GMEB1: variants seen among roughly 807,000 people sequenced by gnomAD.
The protein encoded by GMEB1 is glucocorticoid modulatory element binding protein 1.
Under a neutral mutation model 52.4 loss-of-function variants are expected in GMEB1, and 6 were observed. The observed-to-expected ratio is 0.11, with a 90% confidence interval of 0.06 to 0.23. The LOEUF is 0.23. Among genes scored for constraint, GMEB1 ranks in the 10% least tolerant of loss-of-function variants. The probability of loss-of-function intolerance (pLI) is 1.00; values close to 1 mark genes in which losing one functional copy is unlikely to be tolerated. For missense variants in GMEB1, 486 were observed against 685.6 expected, an observed-to-expected ratio of 0.71 and a Z score of 3.25; for synonymous variants, 255 against 244.9, an observed-to-expected ratio of 1.04 and a Z score of -0.38.
intron 6 of GMEB1, among the ~76,000 whole-genome samples, chr1:28,699,636 G>A (rs1362707878): frequency 1.3e-5 from 2 of 151,836 alleles, no homozygotes; most frequent in Non-Finnish European, 2.9e-5. Context: ...CACCATGTTG[G>A]CTAGGCTGGT....
At chr1:28,677,414 G>C (rs1669208060) in intron 1 of GMEB1, among the ~76,000 whole-genome samples, 1 of 152,110 alleles carries the variant, frequency 6.6e-6, no homozygotes, top group Non-Finnish European at 1.5e-5. Context: ...AGCCAGGATG[G>C]TCTTGATCTC....
rs574730147 is a variant in GMEB1 at position 28,684,113 on chromosome 1, C to T, written c.128+373C>T. On this transcript the variant is annotated intron_variant, in intron 2 of 9. Coordinates refer to ENST00000373816, the MANE Select transcript of GMEB1 (RefSeq NM_001319674.2). Reference sequence around the variant, plus strand: ...CGAATTCCTGGGCTCAAAAGATCCTCCCACTTTAGCCTCCTGAATAGCTGG... The same window carrying T: ...CGAATTCCTGGGCTCAAAAGATCCTTCCACTTTAGCCTCCTGAATAGCTGG... Among the ~76,000 whole-genome samples the T allele has an allele frequency of 5.9e-5, 9 of 152,256 alleles. No homozygotes were observed. The South Asian group carries it at 8.3e-4, about 14-fold the overall frequency.
chr1:28,707,794 A>G (rs1367926125), intron 8 of GMEB1, among the ~76,000 whole-genome samples: 1 of 152,222 alleles, frequency 6.6e-6, no homozygotes, highest in African/African-American at 2.4e-5. Flanking sequence ...GGGAGTGCTC[A>G]GCATGTGTGT....
chr1:28,679,981 T>C (rs1570386823), intron 1 of GMEB1, among the ~76,000 whole-genome samples: 1 of 152,244 alleles, frequency 6.6e-6, no homozygotes, highest in African/African-American at 2.4e-5. Context: ...AATTGTTTTG[T>C]ATTTTTAGTA....
In GMEB1 at chr1:28,693,610, G is replaced by A. The variant is rs1345354859; in HGVS notation, c.440+565G>A. On this transcript the variant is annotated intron_variant, in intron 5 of 9. Transcript: ENST00000373816. ...CGGCTCACTGCAACCTCGGCCTCCC[G>A]GGTTCAAGCAATTGTAGTTTTTAGT... Among the ~76,000 whole-genome samples, 3 of 151,616 alleles carry A rather than the reference G, an allele frequency of 2.0e-5. No homozygotes were observed. In the East Asian group the frequency reaches 5.8e-4, roughly 29 times the overall value.
At chr1:28,673,830 A>G (rs559405275) in intron 1 of GMEB1, among the ~76,000 whole-genome samples, 1 of 152,040 alleles carries the variant, frequency 6.6e-6, no homozygotes, top group African/African-American at 2.4e-5. Context: ...GCTAGGCAAC[A>G]TAGCAAGACC....
chr1:28,686,014 T>C (rs879849498), intron 2 of GMEB1, among the ~76,000 whole-genome samples: 3 of 152,120 alleles, frequency 2.0e-5, no homozygotes, highest in Admixed American at 2.0e-4. Flanking sequence ...GACTACCTCC[T>C]ACTTGCCACC....
At chr1:28,694,990 A>G (rs1218031716) in intron 5 of GMEB1, among the ~76,000 whole-genome samples, 1 of 108,574 alleles carries the variant, frequency 9.2e-6, no homozygotes, top group African/African-American at 3.8e-5. Context: ...TTTGAGACAG[A>G]GTTTTGCTCT....
intron 1 of GMEB1, among the ~76,000 whole-genome samples, chr1:28,674,961 C>T (rs1388615805): frequency 6.0e-4 from 82 of 137,036 alleles, no homozygotes; most frequent in African/African-American, 2.1e-3. Context: ...CCTCGTGATC[C>T]GCCCGCCTCG....
At chr1:28,693,806 T>C (rs898098269) in intron 5 of GMEB1, among the ~76,000 whole-genome samples, 1 of 151,980 alleles carries the variant, frequency 6.6e-6, no homozygotes. Flanking sequence ...TAAAAAGAAA[T>C]AAAAAATTAA....
chr1:28,718,790 G>A lies in GMEB1; in HGVS notation c.*4017G>A, dbSNP rs889549573. 6.6e-6 allele frequency: 1 copy of A among 152,166 alleles called. No individual in the cohort carries two copies. Among genetic ancestry groups the A allele is most frequent in the Non-Finnish European group, 1.5e-5 (1 of 68,044 alleles). 9.4% of individuals were successfully genotyped at this position (152,166 alleles called of 1,614,324 possible). A position where few individuals can be genotyped will look rare whatever the true frequency, so the allele number is the denominator to read the frequency against. On this transcript the variant is annotated 3_prime_UTR_variant, in exon 10 of 10. Coordinates refer to ENST00000373816, the MANE Select transcript of GMEB1 (RefSeq NM_001319674.2). ...CTGCGTAAGTGCTGTGTGTGATAGG[G>A]CTATTGGCTAGGAGCTGAGAGAACA...
rs1010936232 is a variant in GMEB1, at chr1:28,715,061, T to C, written c.*288T>C. On this transcript the variant is annotated 3_prime_UTR_variant, in exon 10 of 10. Transcript: ENST00000373816. ...AGTGTCAAGATAACAAGTAACCCTGTCCAGAAAGCCATTTCCAGGCTCGTC... is the reference window on the plus strand; with the variant it reads ...AGTGTCAAGATAACAAGTAACCCTGCCCAGAAAGCCATTTCCAGGCTCGTC... 1 of 332,460 alleles carries C rather than the reference T, an allele frequency of 3.0e-6. No homozygotes were observed. The highest frequency in any genetic ancestry group is 5.8e-5 in the East Asian group (1 of 17,316). The allele number at this position is 332,460 out of a possible 1,614,324, so 20.6% of individuals were successfully genotyped here. A position where few individuals can be genotyped will look rare whatever the true frequency, so the allele number is the denominator to read the frequency against.
rs879212606 is a variant in GMEB1, at chr1:28,690,203, G to GGTTTTTTTTTTTTTTTTT, written c.211+17_211+18insGTTTTTTTTTTTTTTTTT. The GGTTTTTTTTTTTTTTTTT allele has an allele frequency of 3.9e-6, 2 of 516,166 alleles. No homozygotes were observed. Among genetic ancestry groups the GGTTTTTTTTTTTTTTTTT allele is most frequent in the Non-Finnish European group, 3.1e-6 (1 of 320,318 alleles). The allele number at this position is 516,166 out of a possible 1,614,324, so 32.0% of individuals were successfully genotyped here. On this transcript the variant is annotated intron_variant, in intron 3 of 9. Coordinates refer to ENST00000373816, the MANE Select transcript of GMEB1 (RefSeq NM_001319674.2). ...AAGGGATTGGTAAGGGTTTTTTTGTGTTTTTTTTTTTTTTTTTTTTTGTCA... is the reference window on the plus strand; with the variant it reads ...AAGGGATTGGTAAGGGTTTTTTTGTGGTTTTTTTTTTTTTTTTTTTTTTTTTTTTTTTTTTTTTTGTCA...
intron 8 of GMEB1, among the ~76,000 whole-genome samples, chr1:28,708,482 A>G (rs1238125066): frequency 6.9e-6 from 1 of 144,032 alleles, no homozygotes; most frequent in African/African-American, 2.6e-5. Context: ...TTTTTTTGAG[A>G]CAGAGTTTCG....
At chr1:28,692,794 A>T in intron 4 of GMEB1, 148 bp from the exon 5 acceptor site, 1 of 417,486 alleles carries the variant, frequency 2.4e-6, no homozygotes, top group Non-Finnish European at 4.4e-6. Context: ...TCTCTAACAC[A>T]ATAGTACAGG....
At position 28,691,568 on chromosome 1, in the gene GMEB1, A is replaced by AT. The variant is rs1330275341; in HGVS notation, c.212-11dup. 25 of 1,511,414 alleles carry AT rather than the reference A, an allele frequency of 1.7e-5. No individual in the cohort carries two copies. The highest frequency in any genetic ancestry group is 2.2e-5 in the Non-Finnish European group (25 of 1,112,270). The allele number at this position is 1,511,414 out of a possible 1,614,324, so 93.6% of individuals were successfully genotyped here. A position where few individuals can be genotyped will look rare whatever the true frequency, so the allele number is the denominator to read the frequency against. On this transcript the variant is annotated splice_polypyrimidine_tract_variant and intron_variant, in intron 3 of 9. Transcript: ENST00000373816. ...AAGAGTTGTTTGATAAATAACTGAT[A>AT]TTTTTTCTGTTTTCAGATACAGGCA...
rs979396610 is a variant in GMEB1, at chr1:28,716,300, A to G, written c.*1527A>G. Reference sequence around the variant, plus strand: ...GTCACAGGGATGGGGCTCCAAGGCCATCATTTTCATTGCATGGCTCCAAGA... The same window carrying G: ...GTCACAGGGATGGGGCTCCAAGGCCGTCATTTTCATTGCATGGCTCCAAGA... On this transcript the variant is annotated 3_prime_UTR_variant, in exon 10 of 10. Coordinates refer to ENST00000373816, the MANE Select transcript of GMEB1 (RefSeq NM_001319674.2). The G allele has an allele frequency of 1.3e-5, 2 of 152,174 alleles. No individual in the cohort carries two copies. The highest frequency in any genetic ancestry group is 2.4e-5 in the African/African-American group (1 of 41,450). The allele number at this position is 152,174 out of a possible 1,614,324, so 9.4% of individuals were successfully genotyped here. A position where few individuals can be genotyped will look rare whatever the true frequency, so the allele number is the denominator to read the frequency against.
chr1:28,675,208 G>T, intron 1 of GMEB1, among the ~76,000 whole-genome samples: 1 of 150,696 alleles, frequency 6.6e-6, no homozygotes, highest in East Asian at 2.0e-4. Flanking sequence ...TAGTAGAGAC[G>T]AGGTTTCACC....
intron 3 of GMEB1, among the ~76,000 whole-genome samples, chr1:28,691,282 A>G (rs1028202285): frequency 3.3e-5 from 5 of 152,130 alleles, no homozygotes; most frequent in African/African-American, 4.8e-5. Context: ...TGGGTGACAG[A>G]GTGAGACTCC....
Sources: allele counts gnomAD v4.1 joint callset (sites outside exome capture counted in the v4.1 genomes callset), GRCh38; gene constraint gnomAD v4.1.1; transcripts MANE v1.5; gene names NCBI Gene and HGNC (gene_info 2026-07-23, HGNC 2026-07-21).